The following CNTNAP2 variants were observed in gnomAD, a reference collection of about 807,000 sequenced individuals.
CNTNAP2 encodes the protein contactin-associated protein-like 2.
CNTNAP2 carries 98 observed loss-of-function variants against 155.2 expected under a neutral mutation model. The ratio of observed to expected loss-of-function variants is 0.63; its 90% CI spans 0.54 to 0.75. CNTNAP2 has a LOEUF of 0.75. CNTNAP2 is among the 30% of genes least tolerant of loss of function. The pLI is 0.00. For missense variants in CNTNAP2, 1,727 were observed against 1,688.1 expected (o/e 1.02, Z -0.40); for synonymous variants, 651 against 631.2 (o/e 1.03, Z -0.47).
At chr7:148,001,408 C>A (rs2116893709) in intron 15 of CNTNAP2, among the ~76,000 whole-genome samples, 1 of 152,326 alleles carries the variant, frequency 6.6e-6, no homozygotes, top group Non-Finnish European at 1.5e-5. Context: ...AGCAGCCCAC[C>A]TGGAAGGTCC....
At position 147,353,303 on chromosome 7, in the gene CNTNAP2, C is replaced by T. The variant is rs951538169; in HGVS notation, c.1499-42306C>T. Among the ~76,000 whole-genome samples, 4 of 152,038 alleles carry T rather than the reference C, an allele frequency of 2.6e-5. No homozygotes were observed. In the East Asian group the frequency reaches 7.8e-4, roughly 30 times the overall value. On this transcript the variant is annotated intron_variant, in intron 9 of 23. Coordinates refer to ENST00000361727, the MANE Select transcript of CNTNAP2 (RefSeq NM_014141.6). Reference sequence around the variant, plus strand: ...CCCAATGTTATCCCTCCCCTTTCCCCTACTCCCCGACAGGCCCCAGTATGT... The same window carrying T: ...CCCAATGTTATCCCTCCCCTTTCCCTTACTCCCCGACAGGCCCCAGTATGT...
intron 4 of CNTNAP2, chr7:147,081,158 T>C (rs2129268341): frequency 6.6e-6 from 1 of 152,230 alleles, no homozygotes; most frequent in East Asian, 1.9e-4. Context: ...TGATTTCAGG[T>C]AGTGCTCCTT....
chr7:146,981,392 C>T (rs957839753), intron 3 of CNTNAP2, among the ~76,000 whole-genome samples: 2 of 152,086 alleles, frequency 1.3e-5, no homozygotes, highest in Admixed American at 1.3e-4. Context: ...AAAATATAAA[C>T]CCTTTTTACT....
intron 23 of CNTNAP2, among the ~76,000 whole-genome samples, chr7:148,413,481 T>G (rs2116725122): frequency 7.1e-6 from 1 of 141,438 alleles, no homozygotes; most frequent in African/African-American, 2.6e-5. Context: ...TTTTTCTGGT[T>G]TTAGTGTCAG....
chr7:147,016,725 A>G (rs570237117), intron 3 of CNTNAP2, among the ~76,000 whole-genome samples: 17 of 152,132 alleles, frequency 1.1e-4, no homozygotes, highest in Admixed American at 3.9e-4. Flanking sequence ...TAAGAAACTT[A>G]GGTGAATAAG....
rs1799970116 is a variant in CNTNAP2, at chr7:148,415,682, G to GCACCCTGCTT, written c.*69_*78dup. The GCACCCTGCTT allele has an allele frequency of 1.3e-6, 2 of 1,578,082 alleles. No individual in the cohort carries two copies. The highest frequency in any genetic ancestry group is 2.2e-5 in the East Asian group (1 of 44,674). On this transcript the variant is annotated 3_prime_UTR_variant, in exon 24 of 24. Transcript: ENST00000361727. Reference sequence around the variant, plus strand: ...CTAGGGAGGAGAGAAAGGGACAAAAGCACCCTGCTTCATACTCTTGAGCAC... The same window carrying GCACCCTGCTT: ...CTAGGGAGGAGAGAAAGGGACAAAAGCACCCTGCTTCACCCTGCTTCATACTCTTGAGCAC...
chr7:146,810,565 T>C (rs1254475227), intron 2 of CNTNAP2, among the ~76,000 whole-genome samples: 1 of 152,100 alleles, frequency 6.6e-6, no homozygotes, highest in Non-Finnish European at 1.5e-5. Flanking sequence ...TTTCTGTATA[T>C]GGTATTATGT....
At chr7:146,706,848 T>C (rs1800974109) in intron 1 of CNTNAP2, among the ~76,000 whole-genome samples, 1 of 149,800 alleles carries the variant, frequency 6.7e-6, no homozygotes. Context: ...ATGAAATCTG[T>C]ACAACAATCC....
chr7:147,935,510 C>A (rs1233171681), intron 14 of CNTNAP2, among the ~76,000 whole-genome samples: 1 of 152,098 alleles, frequency 6.6e-6, no homozygotes, highest in Non-Finnish European at 1.5e-5. Flanking sequence ...TTTTATGCCA[C>A]CTTTTTGGTC....
At chr7:147,403,608 T>A (rs138298169) in intron 10 of CNTNAP2, among the ~76,000 whole-genome samples, 1 of 152,216 alleles carries the variant, frequency 6.6e-6, no homozygotes, top group African/African-American at 2.4e-5. Context: ...TTGGCTTTTA[T>A]GTCTTAACAC....
chr7:146,783,108 A>G (rs1045861631), intron 2 of CNTNAP2, among the ~76,000 whole-genome samples: 1 of 152,128 alleles, frequency 6.6e-6, no homozygotes, highest in African/African-American at 2.4e-5. Flanking sequence ...CTTTCAATTT[A>G]AGTGAAAGAG....
chr7:146,732,577 C>A (rs148951334), intron 1 of CNTNAP2, among the ~76,000 whole-genome samples: 24 of 152,144 alleles, frequency 1.6e-4, no homozygotes, highest in African/African-American at 5.8e-4. Context: ...AAGGTTTACT[C>A]ATGTTGTTCT....
intron 13 of CNTNAP2, among the ~76,000 whole-genome samples, chr7:147,677,864 T>C (rs147265075): frequency 0.016 from 2,483 of 151,832 alleles, 220 homozygotes; most frequent in Admixed American, 0.15. Flanking sequence ...CTATCTTGTC[T>C]CATTGTTCTA....
chr7:147,409,766 A>G (rs1797071301), intron 10 of CNTNAP2, among the ~76,000 whole-genome samples: 1 of 152,052 alleles, frequency 6.6e-6, no homozygotes, highest in South Asian at 2.1e-4. Flanking sequence ...TCACAAGAAG[A>G]CATACTTGAG....
intron 8 of CNTNAP2, among the ~76,000 whole-genome samples, chr7:147,207,311 T>C (rs1803042808): frequency 6.6e-6 from 1 of 152,190 alleles, no homozygotes; most frequent in African/African-American, 2.4e-5. Flanking sequence ...CAGTGGGGAA[T>C]AGTTTACTAC....
chr7:147,072,062 C>T (rs1268826051), intron 4 of CNTNAP2, among the ~76,000 whole-genome samples: 1 of 152,004 alleles, frequency 6.6e-6, no homozygotes, highest in African/African-American at 2.4e-5. Flanking sequence ...GTAATAGAAG[C>T]CAACGGAAAT....
At chr7:146,665,825 T>A (rs186533727) in intron 1 of CNTNAP2, among the ~76,000 whole-genome samples, 1 of 135,828 alleles carries the variant, frequency 7.4e-6, no homozygotes, top group East Asian at 2.2e-4. Context: ...TTTCTATTTT[T>A]AATTTTATAA....
At chr7:146,844,066 A>G in intron 3 of CNTNAP2, among the ~76,000 whole-genome samples, 1 of 152,092 alleles carries the variant, frequency 6.6e-6, no homozygotes, top group East Asian at 1.9e-4. Flanking sequence ...GTAATTTTTT[A>G]TAGTATTCTT....
intron 1 of CNTNAP2, among the ~76,000 whole-genome samples, chr7:146,227,223 C>T (rs899851856): frequency 6.6e-6 from 1 of 151,790 alleles, no homozygotes; most frequent in Non-Finnish European, 1.5e-5. Context: ...GTCAGGACTT[C>T]GAGACCAGCC....
Sources: allele counts gnomAD v4.1 joint callset (sites outside exome capture counted in the v4.1 genomes callset), GRCh38; gene constraint gnomAD v4.1.1; transcripts MANE v1.5; gene names NCBI Gene and HGNC (gene_info 2026-07-23, HGNC 2026-07-21).